DOCK3: variants seen among roughly 807,000 people sequenced by gnomAD.
DOCK3 encodes dedicator of cytokinesis protein 3.
A neutral mutation model predicts 265.6 loss-of-function variants in DOCK3; 60 were observed. The observed-to-expected ratio is 0.23, with a 90% CI of 0.18 to 0.28. The LOEUF is 0.28. DOCK3 is among the 10% of genes least tolerant of loss of function. The pLI is 1.00. For missense variants in DOCK3, 1,981 were observed against 2,594.3 expected (o/e 0.76, Z 5.14); for synonymous variants, 881 against 938.0 (o/e 0.94, Z 1.11).
intron 1 of DOCK3, among the ~76,000 whole-genome samples, chr3:50,767,360 A>G (rs555403638): frequency 1.3e-5 from 2 of 152,304 alleles, no homozygotes; most frequent in Admixed American, 1.3e-4. Context: ...TCTGAGCACC[A>G]TTTATTAAAT....
intron 12 of DOCK3, among the ~76,000 whole-genome samples, chr3:51,199,293 G>T (rs916732221): frequency 2.6e-5 from 4 of 152,180 alleles, no homozygotes; most frequent in African/African-American, 4.8e-5. Flanking sequence ...GTCAAAGAAA[G>T]GGGTGACAGA....
At chr3:51,044,790 C>G (rs1043306417) in intron 5 of DOCK3, among the ~76,000 whole-genome samples, 1 of 152,120 alleles carries the variant, frequency 6.6e-6, no homozygotes, top group Non-Finnish European at 1.5e-5. Context: ...GAGATACCAT[C>G]TTTCTTTAAA....
chr3:51,001,762 G>A (rs2078491813), intron 5 of DOCK3, among the ~76,000 whole-genome samples: 1 of 152,102 alleles, frequency 6.6e-6, no homozygotes, highest in South Asian at 2.1e-4. Flanking sequence ...ATTCCCACCA[G>A]TAATATATGA....
chr3:51,179,962 C>T (rs1323725114), intron 12 of DOCK3, among the ~76,000 whole-genome samples: 2 of 151,942 alleles, frequency 1.3e-5, no homozygotes, highest in Non-Finnish European at 2.9e-5. Flanking sequence ...AATCCCAGCA[C>T]TTTGGGAGGC....
intron 2 of DOCK3, among the ~76,000 whole-genome samples, chr3:50,801,583 TA>T (rs1369226212): frequency 1.3e-5 from 2 of 152,230 alleles, no homozygotes; most frequent in African/African-American, 4.8e-5. Context: ...CTAACAATCT[TA>T]AAGTTTTTTT....
chr3:51,231,625 G>A (rs2090549908), intron 19 of DOCK3, among the ~76,000 whole-genome samples: 1 of 152,010 alleles, frequency 6.6e-6, no homozygotes. Context: ...TGCTTGTTGA[G>A]TTGTTTGAGT....
intron 4 of DOCK3, among the ~76,000 whole-genome samples, chr3:50,927,744 T>A (rs1198363868): frequency 6.6e-6 from 1 of 152,172 alleles, no homozygotes; most frequent in East Asian, 1.9e-4. Flanking sequence ...GTTCCCCAGA[T>A]GCAGGAAGAG....
At chr3:51,356,047 C>T (rs368770122) in intron 41 of DOCK3, 42 bp from the exon 42 acceptor site, 9 of 1,611,872 alleles carry the variant, frequency 5.6e-6, no homozygotes, top group Non-Finnish European at 7.6e-6. Context: ...CTCTCAGGCC[C>T]AGCTCTGGCA....
intron 5 of DOCK3, among the ~76,000 whole-genome samples, chr3:51,006,142 C>T (rs1333326393): frequency 1.3e-5 from 2 of 152,122 alleles, no homozygotes; most frequent in African/African-American, 2.4e-5. Flanking sequence ...CTTCATAGCT[C>T]ATTCTGTCTC....
At chr3:50,768,579 T>G (rs979135166) in intron 1 of DOCK3, among the ~76,000 whole-genome samples, 2 of 152,192 alleles carry the variant, frequency 1.3e-5, no homozygotes, top group African/African-American at 4.8e-5. Context: ...AACCACATGA[T>G]TATCTCAATA....
At chr3:51,121,119 G>A (rs6796229) in intron 9 of DOCK3, among the ~76,000 whole-genome samples, 1 of 152,166 alleles carries the variant, frequency 6.6e-6, no homozygotes, top group Non-Finnish European at 1.5e-5. Flanking sequence ...GGCCCTTGTT[G>A]TGTAGGCATC....
At chr3:51,132,013 G>A (rs914610881) in intron 9 of DOCK3, among the ~76,000 whole-genome samples, 1 of 152,138 alleles carries the variant, frequency 6.6e-6, no homozygotes, top group Non-Finnish European at 1.5e-5. Flanking sequence ...GGTCTAAAGT[G>A]ACTAATCCAT....
At position 51,357,178 on chromosome 3, in the gene DOCK3, C is replaced by T. The variant is rs780673790; in HGVS notation, c.4683+37C>T. The stretch of plus-strand genomic sequence containing the variant: ...CCACAGGCCAAACCCATGCAGCCAG[C>T]CTGGCCAGGAAGGCGGCTCACAGGC... On this transcript the variant is annotated intron_variant, in intron 44 of 52. Transcript: ENST00000266037. 2.8e-5 allele frequency: 45 copies of T among 1,590,000 alleles called. No individual in the cohort carries two copies. In the Middle Eastern group the frequency reaches 6.9e-4, roughly 24 times the overall value.
intron 3 of DOCK3, among the ~76,000 whole-genome samples, chr3:50,862,313 G>C (rs902363838): frequency 6.6e-6 from 1 of 152,220 alleles, no homozygotes; most frequent in Non-Finnish European, 1.5e-5. Flanking sequence ...CAGGGCAGAG[G>C]ATAGGGAGAA....
intron 12 of DOCK3, among the ~76,000 whole-genome samples, chr3:51,184,598 C>T (rs990378969): frequency 2.0e-5 from 3 of 151,098 alleles, no homozygotes; most frequent in Admixed American, 1.3e-4. Flanking sequence ...GATAAATATC[C>T]GTGAGTTGAT....
At chr3:50,937,757 TATA>T (rs1170290652) in intron 5 of DOCK3, among the ~76,000 whole-genome samples, 1 of 151,974 alleles carries the variant, frequency 6.6e-6, no homozygotes, top group Admixed American at 6.6e-5. Context: ...ATTAAAGTGA[TATA>T]ATAAAAAGTA....
intron 27 of DOCK3, among the ~76,000 whole-genome samples, chr3:51,301,354 T>A (rs889706719): frequency 1.3e-5 from 2 of 152,092 alleles, no homozygotes; most frequent in Non-Finnish European, 2.9e-5. Flanking sequence ...AAAAGCCAGA[T>A]CCTGGATTCA....
At chr3:50,879,491 TA>T (rs2047911475) in intron 3 of DOCK3, among the ~76,000 whole-genome samples, 1 of 152,044 alleles carries the variant, frequency 6.6e-6, no homozygotes, top group Non-Finnish European at 1.5e-5. Context: ...TAGTCTCTGA[TA>T]AAACAGACTT....
At chr3:51,105,302 G>A (rs2083240896) in intron 9 of DOCK3, among the ~76,000 whole-genome samples, 1 of 152,136 alleles carries the variant, frequency 6.6e-6, no homozygotes, top group South Asian at 2.1e-4. Flanking sequence ...CCAATGGTGA[G>A]GATCTCATAG....
Sources: gnomAD v4.1 joint callset for allele counts (sites outside exome capture counted in the v4.1 genomes callset) on GRCh38, gnomAD v4.1.1 for gene constraint, MANE v1.5 for transcripts, NCBI Gene and HGNC (gene_info 2026-07-23, HGNC 2026-07-21) for gene names.